Variants in CADM2 observed in about 807,000 individuals in gnomAD.
CADM2 encodes cell adhesion molecule 2, also known as immunoglobulin superfamily member 4D.
Under a neutral mutation model 49.8 loss-of-function variants are expected in CADM2, and 12 were observed. The ratio of observed to expected loss-of-function variants is 0.24; its 90% CI spans 0.15 to 0.39. The LOEUF is 0.39. CADM2 is among the 10% of genes least tolerant of loss of function. The probability of loss-of-function intolerance (pLI) is 1.00; values close to 1 mark genes in which losing one functional copy is unlikely to be tolerated. For missense variants in CADM2, 378 were observed against 492.3 expected, an observed-to-expected ratio of 0.77 and a Z score of 2.20; for synonymous variants, 214 against 175.4, an observed-to-expected ratio of 1.22 and a Z score of -1.74.
rs112657498 is a variant in CADM2, at chr3:85,374,688, G to A, written c.62-351834G>A. Reference sequence around the variant, plus strand: ...GGAGGCCTCACACTCATGGTGGAAGGCAAGGGAGGAGAAAAGTCAATCTTA... The same window carrying A: ...GGAGGCCTCACACTCATGGTGGAAGACAAGGGAGGAGAAAAGTCAATCTTA... On this transcript the variant is annotated intron_variant, in intron 1 of 9. Coordinates refer to ENST00000383699, the MANE Select transcript of CADM2 (RefSeq NM_001167675.2). Among the ~76,000 whole-genome samples the A allele has an allele frequency of 3.6e-3, 553 of 152,272 alleles. 1 individual carries two copies. Among genetic ancestry groups the A allele is most frequent in the African/African-American group, 0.012 (481 of 41,540 alleles).
At chr3:85,863,553 G>T (rs908074612) in intron 3 of CADM2, among the ~76,000 whole-genome samples, 1 of 152,144 alleles carries the variant, frequency 6.6e-6, no homozygotes, top group Non-Finnish European at 1.5e-5. Context: ...TCACACACTT[G>T]CTTGTCCTTC....
At chr3:85,447,608 A>C (rs2033526) in intron 1 of CADM2, among the ~76,000 whole-genome samples, 76,265 of 152,040 alleles carry the variant, frequency 0.5, 22,282 homozygotes, top group East Asian at 0.83. Context: ...GTGGCTACAA[A>C]AAATTGCCTA....
intron 1 of CADM2, among the ~76,000 whole-genome samples, chr3:85,653,234 T>C (rs2065107135): frequency 6.6e-6 from 1 of 150,434 alleles, no homozygotes; most frequent in Non-Finnish European, 1.5e-5. Context: ...AGTTGCTGGC[T>C]TTTACTGTGA....
At chr3:85,347,176 C>G (rs1176152184) in intron 1 of CADM2, among the ~76,000 whole-genome samples, 2 of 127,154 alleles carry the variant, frequency 1.6e-5, no homozygotes, top group Non-Finnish European at 1.6e-5. Context: ...GAGCTAAGAT[C>G]GTGCCATTGC....
intron 8 of CADM2, chr3:85,993,026 T>C (rs1248643942): frequency 6.6e-6 from 1 of 152,110 alleles, no homozygotes; most frequent in Non-Finnish European, 1.5e-5. Flanking sequence ...ATATTCTAAA[T>C]CCTTTGTGAT....
At chr3:85,498,187 T>G (rs76395182) in intron 1 of CADM2, among the ~76,000 whole-genome samples, 42,417 of 148,286 alleles carry the variant, frequency 0.29, 6,918 homozygotes, top group East Asian at 0.53. Context: ...TTTTTTTTTT[T>G]TGTATTTTCT....
intron 1 of CADM2, among the ~76,000 whole-genome samples, chr3:85,226,220 G>A (rs1289966624): frequency 6.6e-6 from 1 of 150,690 alleles, no homozygotes; most frequent in Admixed American, 6.6e-5. Flanking sequence ...ACCTCTAATA[G>A]AATTTGGCTA....
At chr3:85,113,669 C>T (rs1575897695) in intron 1 of CADM2, among the ~76,000 whole-genome samples, 2 of 147,034 alleles carry the variant, frequency 1.4e-5, no homozygotes, top group South Asian at 2.1e-4. Flanking sequence ...ATATTTATTG[C>T]TTTTTTTTAT....
At chr3:85,445,317 A>T (rs139214161) in intron 1 of CADM2, among the ~76,000 whole-genome samples, 1 of 152,274 alleles carries the variant, frequency 6.6e-6, no homozygotes, top group Admixed American at 6.5e-5. Context: ...TACTATATGC[A>T]GTACATAGTC....
intron 1 of CADM2, among the ~76,000 whole-genome samples, chr3:85,596,092 A>G (rs1212603814): frequency 6.6e-6 from 1 of 151,880 alleles, no homozygotes; most frequent in Non-Finnish European, 1.5e-5. Context: ...TGCTTTCAGC[A>G]TATTTATTTA....
intron 3 of CADM2, among the ~76,000 whole-genome samples, chr3:85,805,847 C>T (rs936192740): frequency 1.3e-5 from 2 of 152,114 alleles, no homozygotes; most frequent in Non-Finnish European, 2.9e-5. Flanking sequence ...TTGTCTGTGT[C>T]ATTGATTATA....
chr3:85,468,828 A>ATGCT (rs2038638135), intron 1 of CADM2, among the ~76,000 whole-genome samples: 1 of 152,208 alleles, frequency 6.6e-6, no homozygotes, highest in African/African-American at 2.4e-5. Flanking sequence ...GCTAACGAGC[A>ATGCT]GATCACCACT....
chr3:85,375,050 A>G (rs1277845899), intron 1 of CADM2, among the ~76,000 whole-genome samples: 1 of 152,226 alleles, frequency 6.6e-6, no homozygotes, highest in African/African-American at 2.4e-5. Flanking sequence ...AAAATTTATT[A>G]TAGGAGATTA....
intron 1 of CADM2, among the ~76,000 whole-genome samples, chr3:85,554,307 G>A (rs2061893653): frequency 6.6e-6 from 1 of 152,152 alleles, no homozygotes; most frequent in Admixed American, 6.5e-5. Flanking sequence ...GAATCTGACA[G>A]GAGGTGGAGT....
chr3:85,351,114 T>C (rs2031298456), intron 1 of CADM2, among the ~76,000 whole-genome samples: 1 of 152,148 alleles, frequency 6.6e-6, no homozygotes, highest in African/African-American at 2.4e-5. Flanking sequence ...CATTTAATAC[T>C]ATATGCATGA....
At chr3:85,840,815 T>G (rs74772301) in intron 3 of CADM2, among the ~76,000 whole-genome samples, 4,587 of 151,912 alleles carry the variant, frequency 0.03, 224 homozygotes, top group African/African-American at 0.1. Context: ...TTATATAAAT[T>G]TATATGAAAT....
At chr3:85,258,651 G>A (rs147588848) in intron 1 of CADM2, among the ~76,000 whole-genome samples, 19 of 152,128 alleles carry the variant, frequency 1.2e-4, no homozygotes, top group African/African-American at 2.4e-4. Context: ...ATCTAAAAGC[G>A]TATGGAAGAT....
chr3:85,629,149 A>G (rs987235933), intron 1 of CADM2, among the ~76,000 whole-genome samples: 3 of 151,850 alleles, frequency 2.0e-5, no homozygotes, highest in Non-Finnish European at 4.4e-5. Context: ...GGTCATATAT[A>G]TATATGTTTT....
At chr3:85,749,875 A>G (rs969359151) in intron 2 of CADM2, among the ~76,000 whole-genome samples, 5 of 152,008 alleles carry the variant, frequency 3.3e-5, no homozygotes, top group Non-Finnish European at 5.9e-5. Context: ...TACAATTTAT[A>G]TCAGTATTTT....
Sources: allele counts gnomAD v4.1 joint callset (sites outside exome capture counted in the v4.1 genomes callset), GRCh38; gene constraint gnomAD v4.1.1; transcripts MANE v1.5; gene names NCBI Gene and HGNC (gene_info 2026-07-23, HGNC 2026-07-21).